GLRA2: variants seen among roughly 807,000 people sequenced by gnomAD.
GLRA2 encodes the protein glycine receptor subunit alpha-2.
A neutral mutation model predicts 31.6 loss-of-function variants in GLRA2; 11 were observed. The observed-to-expected ratio is 0.35, with a 90% confidence interval of 0.22 to 0.58. The LOEUF (loss-of-function observed/expected upper bound fraction) is 0.58. Ranked by LOEUF, GLRA2 falls within the 20% of genes least tolerant of loss-of-function variation. The probability of loss-of-function intolerance (pLI) is 0.84; values close to 1 mark genes in which losing one functional copy is unlikely to be tolerated. For missense variants in GLRA2, 212 were observed against 351.8 expected (o/e 0.60, Z 3.18); for synonymous variants, 132 against 134.0 (o/e 0.99, Z 0.10).
At chrX:14,461,651 T>A in the GLRA2 span, among the ~76,000 whole-genome samples, 1 of 111,827 alleles carries the variant, frequency 8.9e-6, no homozygotes, top group Non-Finnish European at 1.9e-5. Context: ...GTCTGTTTTA[T>A]CAGAGACTGG....
chrX:14,629,342 A>T (rs868600219), intron 7 of GLRA2, among the ~76,000 whole-genome samples: 1 of 111,624 alleles, frequency 9.0e-6, no homozygotes, highest in African/African-American at 3.3e-5. Context: ...TTACTTACCA[A>T]TTAGTGTCAT....
At chrX:14,604,543 AGTGTGTGTGTGTGTGTGTGT>A (rs377121617) in intron 5 of GLRA2, 146 bp downstream of exon 5, 44 of 161,436 alleles carry the variant, frequency 2.7e-4, no homozygotes, top group East Asian at 2.7e-3. Flanking sequence ...GACAAACCAA[AGTGTGTGTGTGTGTGTGTGT>A]GTGTGTGTGT....
chrX:14,695,237 A>G (rs2091427346), intron 8 of GLRA2, among the ~76,000 whole-genome samples: 1 of 111,755 alleles, frequency 8.9e-6, no homozygotes, highest in Non-Finnish European at 1.9e-5. Flanking sequence ...AAAAAGGAAC[A>G]AAGGAAATGG....
the GLRA2 span, among the ~76,000 whole-genome samples, chrX:14,464,238 A>C: frequency 8.9e-6 from 1 of 112,041 alleles, no homozygotes; most frequent in Non-Finnish European, 1.9e-5. Flanking sequence ...TTGAGGTCTT[A>C]TTCACAATAT....
intron 8 of GLRA2, among the ~76,000 whole-genome samples, chrX:14,691,306 T>C (rs2091353596): frequency 9.5e-6 from 1 of 104,943 alleles, no homozygotes; most frequent in African/African-American, 3.7e-5. Context: ...TGTGTGTGTG[T>C]GTGTGTGTGT....
chrX:14,585,393 C>A (rs771783030), intron 4 of GLRA2, among the ~76,000 whole-genome samples: 35 of 111,609 alleles, frequency 3.1e-4, no homozygotes, highest in Admixed American at 6.7e-4. Flanking sequence ...ACAAAAGTGG[C>A]TCTAATTTTG....
At chrX:14,721,660 TATG>T (rs1194024475) in intron 8 of GLRA2, among the ~76,000 whole-genome samples, 1 of 111,468 alleles carries the variant, frequency 9.0e-6, no homozygotes, top group Non-Finnish European at 1.9e-5. Context: ...CCACCCTGTA[TATG>T]ATTTTTTCCC....
In GLRA2 at chrX:14,530,110, A is replaced by G. The variant is rs1181412019; in HGVS notation, c.53A>G (p.Glu18Gly). ...ACAGCCTTGTTTGCATTTTTCTTAG[A>G]GACAAACCACTTCAGGTAGGTGAAA... ...ILTALFAFFL[E>G]TNHFRTAFCK... is the part of the protein sequence containing the mutation. Residue 18 changes from glutamate (E) to glycine (G), a missense_variant, in exon 1 of 9, where the codon GAG (glutamate) becomes GGG (glycine). This residue lies in a region of GLRA2 where 33 missense variants were observed against 27.7 expected (regional missense o/e 1.19). Transcript: ENST00000218075. 8.5e-7 allele frequency: 1 copy of G among 1,181,102 alleles called. No individual in the cohort carries two copies.
At chrX:14,716,822 C>T (rs2091792958) in intron 8 of GLRA2, among the ~76,000 whole-genome samples, 1 of 110,951 alleles carries the variant, frequency 9.0e-6, no homozygotes, top group South Asian at 3.9e-4. Context: ...GAAATTAATA[C>T]CTAAAACCAA....
At chrX:14,571,051 G>T (rs1019522331) in intron 2 of GLRA2, among the ~76,000 whole-genome samples, 10 of 111,142 alleles carry the variant, frequency 9.0e-5, no homozygotes, top group Admixed American at 8.6e-4. Flanking sequence ...GAAAGGGAAG[G>T]GGGGAGCAGG....
chrX:14,562,625 T>C (rs781393319), intron 2 of GLRA2, among the ~76,000 whole-genome samples: 71 of 112,296 alleles, frequency 6.3e-4, no homozygotes, highest in South Asian at 5.9e-3. Flanking sequence ...ATCCAGATGT[T>C]GACAGGTTTG....
intron 7 of GLRA2, among the ~76,000 whole-genome samples, chrX:14,637,355 C>T (rs1304512646): frequency 2.7e-5 from 3 of 112,157 alleles, no homozygotes; most frequent in African/African-American, 9.7e-5. Context: ...AAAGAAAAGG[C>T]GCTTCTCCCA....
At chrX:14,465,198 G>A in the GLRA2 span, among the ~76,000 whole-genome samples, 1 of 111,532 alleles carries the variant, frequency 9.0e-6, no homozygotes, top group Non-Finnish European at 1.9e-5. Context: ...CCTTATAGAG[G>A]TATTTTTGTA....
At chrX:14,469,871 ATAT>A in the GLRA2 span, among the ~76,000 whole-genome samples, 50 of 110,804 alleles carry the variant, frequency 4.5e-4, no homozygotes, top group African/African-American at 1.2e-3. Context: ...AACAAAGCTA[ATAT>A]TATTTTTAGT....
In GLRA2 at chrX:14,604,360, G is replaced by T. The variant is rs753878903; in HGVS notation, c.540G>T (p.Pro180=). ...LSCPMDLKNF[P]MDVQTCTMQL... is the part of the protein sequence containing the mutation. ...GTCCCATGGACTTGAAGAACTTTCC[G>T]ATGGATGTCCAGACCTGTACAATGC... is the stretch of plus-strand genomic sequence containing the variant. The change falls in exon 5 of 9, where the codon CCG becomes CCT. Residue 180 remains proline, a synonymous_variant. Transcript: ENST00000218075. 2 of 1,173,318 alleles carry T rather than the reference G, an allele frequency of 1.7e-6. No individual in the cohort carries two copies. Among genetic ancestry groups the T allele is most frequent in the East Asian group, 6.0e-5 (2 of 33,252 alleles).
chrX:14,719,904 A>G (rs749364707), intron 8 of GLRA2, among the ~76,000 whole-genome samples: 12 of 112,117 alleles, frequency 1.1e-4, no homozygotes, highest in Admixed American at 6.6e-4. Context: ...AGTATGGATG[A>G]GTCTGGAGGA....
At chrX:14,623,063 G>C (rs138184765) in intron 7 of GLRA2, among the ~76,000 whole-genome samples, 1 of 110,922 alleles carries the variant, frequency 9.0e-6, no homozygotes, top group Non-Finnish European at 1.9e-5. Context: ...CAGGTCCCTC[G>C]CATCCCTGGT....
intron 7 of GLRA2, among the ~76,000 whole-genome samples, chrX:14,647,709 T>A (rs1208696975): frequency 1.8e-5 from 2 of 112,572 alleles, no homozygotes; most frequent in African/African-American, 6.4e-5. Context: ...ATGTGGTCAT[T>A]TATCTAGTCA....
intron 7 of GLRA2, among the ~76,000 whole-genome samples, chrX:14,622,634 C>T (rs1052447149): frequency 2.8e-4 from 31 of 111,620 alleles, no homozygotes; most frequent in African/African-American, 7.8e-4. Context: ...TTCTTGTTCT[C>T]GTTAGGTTTG....
Sources: allele counts gnomAD v4.1 joint callset (sites outside exome capture counted in the v4.1 genomes callset), GRCh38; gene constraint gnomAD v4.1.1; regional missense constraint gnomAD v4.1.1; transcripts MANE v1.5; gene names NCBI Gene and HGNC (gene_info 2026-07-23, HGNC 2026-07-21).